ZMYM2: variants seen among roughly 807,000 people sequenced by gnomAD.
ZMYM2 encodes the protein zinc finger MYM-type protein 2.
ZMYM2 carries 56 observed loss-of-function variants against 162.8 expected under a neutral mutation model. The observed-to-expected ratio is 0.34, with a 90% confidence interval of 0.28 to 0.43. The LOEUF is 0.43. Ranked by LOEUF, ZMYM2 falls within the 20% of genes least tolerant of loss-of-function variation. The pLI is 1.00. For synonymous variants in ZMYM2, 510 were observed against 541.6 expected, an observed-to-expected ratio of 0.94 and a Z score of 0.81; for missense variants, 1,275 against 1,621.8, an observed-to-expected ratio of 0.79 and a Z score of 3.67.
Position 20,026,804 on chromosome 13 carries a change from G to A in ZMYM2, c.1735+42G>A, listed in dbSNP as rs528825008. 2.5e-5 allele frequency: 38 copies of A among 1,537,600 alleles called. No homozygotes were observed. The Middle Eastern group carries it at 8.0e-4, about 32-fold the overall frequency. On this transcript the variant is annotated intron_variant, in intron 8 of 24. Coordinates refer to ENST00000610343, the MANE Select transcript of ZMYM2 (RefSeq NM_197968.4). ...TGGACAGTTAAAAAAACTTTACAAC[G>A]TAATTAATTTTTGCATAAATACTCA...
the ZMYM2 span, among the ~76,000 whole-genome samples, chr13:19,907,761 CA>C: frequency 4.6e-3 from 180 of 39,106 alleles, no homozygotes; most frequent in African/African-American, 0.019. Context: ...GACTCTGTCT[CA>C]AAAAAAAAAA....
At chr13:19,942,476 G>A in the ZMYM2 span, among the ~76,000 whole-genome samples, 1 of 151,168 alleles carries the variant, frequency 6.6e-6, no homozygotes, top group African/African-American at 2.4e-5. Context: ...ACTGATGTGG[G>A]AGGATTGCTT....
At chr13:19,987,496 C>CTCG (rs1250535498) in intron 2 of ZMYM2, among the ~76,000 whole-genome samples, 1 of 152,084 alleles carries the variant, frequency 6.6e-6, no homozygotes, top group Non-Finnish European at 1.5e-5. Context: ...AACTCATGAC[C>CTCG]TCGTGATCTG....
chr13:19,984,275 T>G (rs1357601879), intron 2 of ZMYM2, among the ~76,000 whole-genome samples: 1 of 152,240 alleles, frequency 6.6e-6, no homozygotes, highest in African/African-American at 2.4e-5. Flanking sequence ...AACTGTTGTG[T>G]TAATTAATTC....
intron 3 of ZMYM2, among the ~76,000 whole-genome samples, chr13:19,994,188 T>A (rs904698660): frequency 6.6e-6 from 1 of 152,214 alleles, no homozygotes. Flanking sequence ...ATCACCAAAG[T>A]CTGATAATTT....
At chr13:20,022,573 C>A (rs895772740) in intron 7 of ZMYM2, among the ~76,000 whole-genome samples, 1 of 152,044 alleles carries the variant, frequency 6.6e-6, no homozygotes, top group Non-Finnish European at 1.5e-5. Context: ...CCTTAAATTA[C>A]AAAGTTAGAA....
At chr13:20,012,034 G>A (rs1322841828) in intron 6 of ZMYM2, among the ~76,000 whole-genome samples, 1 of 152,120 alleles carries the variant, frequency 6.6e-6, no homozygotes, top group African/African-American at 2.4e-5. Flanking sequence ...ACAGGCGTGA[G>A]CCACAGCGCC....
the ZMYM2 span, among the ~76,000 whole-genome samples, chr13:19,927,321 C>T: frequency 6.6e-6 from 1 of 152,132 alleles, no homozygotes; most frequent in Non-Finnish European, 1.5e-5. Flanking sequence ...CTAGAGGTAG[C>T]CATTATCTTG....
Position 20,067,371 on chromosome 13 carries a change from T to A in ZMYM2, c.3434T>A (p.Leu1145His). The A allele has an allele frequency of 6.2e-7, 1 of 1,608,930 alleles. No homozygotes were observed. Among genetic ancestry groups the A allele is most frequent in the Non-Finnish European group, 8.5e-7 (1 of 1,176,940 alleles). Residue 1145 changes from leucine (L) to histidine (H), a missense_variant, in exon 21 of 25, where the codon CTT becomes CAT. Coordinates refer to ENST00000610343, the MANE Select transcript of ZMYM2 (RefSeq NM_197968.4). ...ENYAPDSIYYLCLGIQEYLCG... is the reference protein window; with the variant it reads ...ENYAPDSIYYHCLGIQEYLCG... ...TATGCACCTGACAGCATCTATTACC[T>A]TTGCCTTGGAATACAGGAGGTTAGT...
At chr13:20,004,360 G>A (rs1318284334) in intron 4 of ZMYM2, among the ~76,000 whole-genome samples, 4 of 151,906 alleles carry the variant, frequency 2.6e-5, no homozygotes, top group South Asian at 2.1e-4. Context: ...GGTTCATGCC[G>A]TTCTCCTGCC....
At chr13:19,975,362 C>T (rs1468025182) in intron 2 of ZMYM2, among the ~76,000 whole-genome samples, 3 of 152,158 alleles carry the variant, frequency 2.0e-5, no homozygotes, top group Non-Finnish European at 4.4e-5. Context: ...CTTCCTCAAG[C>T]CCCTGGTAAC....
At chr13:20,035,508 T>C (rs990795029) in intron 11 of ZMYM2, among the ~76,000 whole-genome samples, 2 of 152,208 alleles carry the variant, frequency 1.3e-5, no homozygotes, top group African/African-American at 4.8e-5. Context: ...CTTTTTACAT[T>C]TGAGTTGTGC....
chr13:20,079,330 A>G (rs1957747389), intron 21 of ZMYM2, among the ~76,000 whole-genome samples: 1 of 142,306 alleles, frequency 7.0e-6, no homozygotes, highest in Admixed American at 7.3e-5. Flanking sequence ...AAAAAAAAAA[A>G]AAAAAAAAAA....
intron 21 of ZMYM2, among the ~76,000 whole-genome samples, chr13:20,077,016 G>T (rs888645307): frequency 6.7e-6 from 1 of 150,204 alleles, no homozygotes; most frequent in Non-Finnish European, 1.5e-5. Context: ...TTTTAGTAGA[G>T]ACAGGGTTTC....
At chr13:19,991,124 T>TGTGTGTGTG (rs1555289786) in intron 2 of ZMYM2, among the ~76,000 whole-genome samples, 1 of 150,642 alleles carries the variant, frequency 6.6e-6, no homozygotes, top group African/African-American at 2.5e-5. Context: ...TACGTATGTG[T>TGTGTGTGTG]TTTCTTTTGA....
intron 19 of ZMYM2, 107 bp from the exon 20 acceptor site, chr13:20,066,744 G>C: frequency 5.3e-6 from 6 of 1,135,038 alleles, no homozygotes; most frequent in Non-Finnish European, 7.1e-6. Flanking sequence ...AACCCATGTT[G>C]CTCAAGGGTC....
intron 9 of ZMYM2, among the ~76,000 whole-genome samples, chr13:20,028,869 A>T (rs1054752043): frequency 6.6e-6 from 1 of 150,986 alleles, no homozygotes; most frequent in Non-Finnish European, 1.5e-5. Flanking sequence ...TGTAGGACCG[A>T]CTGTACTTAA....
intron 2 of ZMYM2, among the ~76,000 whole-genome samples, chr13:19,977,876 A>T (rs1232527512): frequency 2.7e-5 from 4 of 148,214 alleles, no homozygotes; most frequent in Admixed American, 6.8e-5. Flanking sequence ...TATATATTTT[A>T]AAAGTTTTTT....
At chr13:19,983,046 C>T (rs1446725749) in intron 2 of ZMYM2, among the ~76,000 whole-genome samples, 2 of 152,054 alleles carry the variant, frequency 1.3e-5, no homozygotes, top group African/African-American at 4.8e-5. Flanking sequence ...AATTATTTTA[C>T]TATATAAACT....
Sources: gnomAD v4.1 joint callset for allele counts (sites outside exome capture counted in the v4.1 genomes callset) on GRCh38, gnomAD v4.1.1 for gene constraint, MANE v1.5 for transcripts, NCBI Gene and HGNC (gene_info 2026-07-23, HGNC 2026-07-21) for gene names.